Variants in NTM observed in about 807,000 individuals in gnomAD.
NTM encodes the protein neurotrimin.
Under a neutral mutation model 42.1 loss-of-function variants are expected in NTM, and 13 were observed. The observed-to-expected ratio is 0.31, with a 90% CI of 0.20 to 0.49. The LOEUF (loss-of-function observed/expected upper bound fraction) is 0.49. Ranked by LOEUF, NTM falls within the 20% of genes least tolerant of loss-of-function variation. The pLI is 0.99. For missense variants in NTM, 373 were observed against 452.8 expected (o/e 0.82, Z 1.60); for synonymous variants, 187 against 179.2 (o/e 1.04, Z -0.35).
At position 132,166,844 on chromosome 11, in the gene NTM, C is replaced by T. The variant is rs149804702; in HGVS notation, c.400+20330C>T. On this transcript the variant is annotated intron_variant, in intron 3 of 8. Transcript: ENST00000683400. ...TAGCATTATGGCTACTTTCTGGATCCTGCCTGCCTCACAATCTCATAGCAC... is the reference window on the plus strand; with the variant it reads ...TAGCATTATGGCTACTTTCTGGATCTTGCCTGCCTCACAATCTCATAGCAC... 9.2e-4 allele frequency among the ~76,000 whole-genome samples: 140 copies of T among 152,312 alleles called. 1 individual carries two copies. The highest frequency in any genetic ancestry group is 3.2e-3 in the African/African-American group (132 of 41,560).
intron 3 of NTM, among the ~76,000 whole-genome samples, chr11:132,184,917 C>A (rs889844851): frequency 1.3e-5 from 2 of 152,098 alleles, no homozygotes; most frequent in African/African-American, 2.4e-5. Context: ...GGGCCTTCTG[C>A]TTTCAGCTTA....
chr11:131,526,324 G>C (rs1253114871), intron 1 of NTM, among the ~76,000 whole-genome samples: 1 of 152,188 alleles, frequency 6.6e-6, no homozygotes, highest in Non-Finnish European at 1.5e-5. Flanking sequence ...TGGCTGATTG[G>C]GCAGGTGTGG....
At chr11:132,134,551 CTATATATGAGTCA>C (rs1360562762) in intron 2 of NTM, among the ~76,000 whole-genome samples, 2 of 150,724 alleles carry the variant, frequency 1.3e-5, no homozygotes. Context: ...GGCTTGGCTC[CTATATATGAGTCA>C]TATAGGAATA....
At chr11:131,728,423 G>A (rs2079215215) in intron 1 of NTM, among the ~76,000 whole-genome samples, 1 of 152,184 alleles carries the variant, frequency 6.6e-6, no homozygotes, top group South Asian at 2.1e-4. Flanking sequence ...AAGGATACAG[G>A]TGAAGCAATG....
At chr11:131,673,957 A>G (rs1266697377) in intron 1 of NTM, among the ~76,000 whole-genome samples, 2 of 152,230 alleles carry the variant, frequency 1.3e-5, no homozygotes, top group Non-Finnish European at 2.9e-5. Flanking sequence ...GAGGGTAGGG[A>G]GATGATGGCA....
chr11:131,484,487 G>A (rs1241758857), intron 1 of NTM, among the ~76,000 whole-genome samples: 1 of 152,166 alleles, frequency 6.6e-6, no homozygotes, highest in East Asian at 1.9e-4. Context: ...GCGCTGCTTC[G>A]GGCAGCACAC....
intron 1 of NTM, among the ~76,000 whole-genome samples, chr11:131,437,353 C>G (rs1949228514): frequency 6.6e-6 from 1 of 152,164 alleles, no homozygotes; most frequent in Non-Finnish European, 1.5e-5. Context: ...AACCTTCTGT[C>G]TCGTCGGTCT....
chr11:132,335,162 C>T lies in NTM; in HGVS notation c.*16C>T, dbSNP rs1377310568. The stretch of plus-strand genomic sequence containing the variant: ...CAAATTTTGATGTGAGTGCCACTTC[C>T]CCACCCGGGAAAGGCTGCCGCCACC... On this transcript the variant is annotated 3_prime_UTR_variant, in exon 9 of 9. Coordinates refer to ENST00000683400, the MANE Select transcript of NTM (RefSeq NM_001352005.2). 2 of 1,611,220 alleles carry T rather than the reference C, an allele frequency of 1.2e-6. No individual in the cohort carries two copies. Among genetic ancestry groups the T allele is most frequent in the Non-Finnish European group, 1.7e-6 (2 of 1,179,804 alleles).
At chr11:131,849,810 G>A (rs111859951) in intron 1 of NTM, among the ~76,000 whole-genome samples, 1,954 of 145,126 alleles carry the variant, frequency 0.013, 16 homozygotes, top group Non-Finnish European at 0.02. Context: ...ATCACACACC[G>A]GGGACTGTTG....
At chr11:131,709,044 T>G (rs1363868450) in intron 1 of NTM, among the ~76,000 whole-genome samples, 2 of 152,058 alleles carry the variant, frequency 1.3e-5, no homozygotes, top group African/African-American at 2.4e-5. Context: ...GAAAACATTC[T>G]ATACAGGGAA....
intron 4 of NTM, among the ~76,000 whole-genome samples, chr11:132,226,409 G>C (rs2086293279): frequency 6.6e-6 from 1 of 152,148 alleles, no homozygotes; most frequent in African/African-American, 2.4e-5. Flanking sequence ...ATTCTGACTG[G>C]TGTGAGGTGG....
intron 1 of NTM, among the ~76,000 whole-genome samples, chr11:131,635,066 C>G (rs2064188778): frequency 6.6e-6 from 1 of 152,196 alleles, no homozygotes; most frequent in South Asian, 2.1e-4. Flanking sequence ...GAGCTGAAAA[C>G]TTGCTATTGC....
intron 3 of NTM, among the ~76,000 whole-genome samples, chr11:132,168,356 G>A (rs373968759): frequency 6.6e-6 from 1 of 152,164 alleles, no homozygotes; most frequent in African/African-American, 2.4e-5. Flanking sequence ...GCTGGTTAAA[G>A]GTTGACTTGG....
At chr11:131,425,583 T>C (rs1032223213) in intron 1 of NTM, among the ~76,000 whole-genome samples, 3 of 152,198 alleles carry the variant, frequency 2.0e-5, no homozygotes, top group African/African-American at 7.2e-5. Flanking sequence ...GCCAAGTTCA[T>C]GGTTTCTGGC....
At chr11:131,910,271 T>G (rs1370505062) in intron 1 of NTM, among the ~76,000 whole-genome samples, 2 of 152,252 alleles carry the variant, frequency 1.3e-5, no homozygotes, top group African/African-American at 4.8e-5. Flanking sequence ...GTATGCATGC[T>G]GCAGGGTGTT....
intron 1 of NTM, among the ~76,000 whole-genome samples, chr11:131,471,411 C>T (rs560869059): frequency 1.5e-4 from 23 of 152,222 alleles, no homozygotes; most frequent in Admixed American, 3.9e-4. Flanking sequence ...GGATCTATCA[C>T]GTATGGGGAA....
At chr11:132,265,522 T>C (rs2093128194) in intron 4 of NTM, among the ~76,000 whole-genome samples, 1 of 152,190 alleles carries the variant, frequency 6.6e-6, no homozygotes, top group African/African-American at 2.4e-5. Context: ...TTGTACCAGT[T>C]TGGATTCTTC....
At chr11:132,224,580 T>C (rs1442146695) in intron 4 of NTM, among the ~76,000 whole-genome samples, 3 of 152,164 alleles carry the variant, frequency 2.0e-5, no homozygotes, top group African/African-American at 7.2e-5. Flanking sequence ...CTTCAACCTG[T>C]GTCTGTGGCA....
chr11:132,166,024 T>G (rs2075216193), intron 3 of NTM, among the ~76,000 whole-genome samples: 1 of 152,170 alleles, frequency 6.6e-6, no homozygotes, highest in Non-Finnish European at 1.5e-5. Context: ...TTACTCTCAG[T>G]GTTGAAAATT....
Sources: gnomAD v4.1 joint callset for allele counts (sites outside exome capture counted in the v4.1 genomes callset) on GRCh38, gnomAD v4.1.1 for gene constraint, MANE v1.5 for transcripts, NCBI Gene and HGNC (gene_info 2026-07-23, HGNC 2026-07-21) for gene names.